Variants in GRIK1 observed in about 807,000 individuals in gnomAD.
The protein encoded by GRIK1 is glutamate ionotropic receptor kainate type subunit 1, also known as glutamate receptor ionotropic, kainate 1.
Under a neutral mutation model 105.7 loss-of-function variants are expected in GRIK1, and 69 were observed. That is an observed-to-expected ratio of 0.65 (90% confidence interval 0.54 to 0.80). GRIK1 has a LOEUF of 0.80. Ranked by LOEUF, GRIK1 falls within the 30% of genes least tolerant of loss-of-function variation. The pLI is 0.00. For synonymous variants in GRIK1, 438 were observed against 431.3 expected, an observed-to-expected ratio of 1.02 and a Z score of -0.19; for missense variants, 1,109 against 1,167.3, an observed-to-expected ratio of 0.95 and a Z score of 0.73.
chr21:29,837,222 T>C (rs1349566472), intron 1 of GRIK1, among the ~76,000 whole-genome samples: 7 of 152,212 alleles, frequency 4.6e-5, no homozygotes. Flanking sequence ...GGAGAGTTGT[T>C]AGAGTTCAGG....
intron 1 of GRIK1, among the ~76,000 whole-genome samples, chr21:29,696,115 TG>T (rs1423833609): frequency 2.6e-5 from 4 of 152,068 alleles, no homozygotes; most frequent in Non-Finnish European, 5.9e-5. Context: ...CTAACTACAG[TG>T]TTGGGTTGTG....
chr21:29,737,764 C>T (rs926332731), intron 1 of GRIK1, among the ~76,000 whole-genome samples: 3 of 152,210 alleles, frequency 2.0e-5, no homozygotes, highest in Admixed American at 1.3e-4. Flanking sequence ...TTTCTACCCT[C>T]CACTCTGGAA....
At chr21:29,812,721 A>G (rs2067044076) in intron 1 of GRIK1, among the ~76,000 whole-genome samples, 1 of 152,142 alleles carries the variant, frequency 6.6e-6, no homozygotes, top group Admixed American at 6.5e-5. Flanking sequence ...TGAATATGCT[A>G]CTCTGATTCC....
intron 2 of GRIK1, among the ~76,000 whole-genome samples, chr21:29,691,536 T>TG (rs1293024053): frequency 6.6e-6 from 1 of 152,224 alleles, no homozygotes; most frequent in Non-Finnish European, 1.5e-5. Flanking sequence ...CCGGAAAGGT[T>TG]GGGGCAGTTT....
At chr21:29,915,350 G>A (rs1015986435) in intron 1 of GRIK1, among the ~76,000 whole-genome samples, 1 of 151,926 alleles carries the variant, frequency 6.6e-6, no homozygotes, top group East Asian at 1.9e-4. Flanking sequence ...TGCTCTAAAC[G>A]TACACCAACT....
intron 4 of GRIK1, 123 bp downstream of exon 4, chr21:29,672,860 C>T: frequency 2.8e-6 from 2 of 716,004 alleles, no homozygotes; most frequent in Non-Finnish European, 4.8e-6. Flanking sequence ...AAATTATAAT[C>T]TTTAGCATAA....
chr21:29,596,015 C>T (rs977335841), intron 9 of GRIK1: 3 of 248,394 alleles, frequency 1.2e-5, no homozygotes, highest in African/African-American at 6.9e-5. Flanking sequence ...GAAGATATCA[C>T]ACAAAACAAA....
At chr21:29,896,696 T>C (rs891308332) in intron 1 of GRIK1, among the ~76,000 whole-genome samples, 11 of 152,328 alleles carry the variant, frequency 7.2e-5, no homozygotes, top group African/African-American at 2.6e-4. Flanking sequence ...TGACTTCTAC[T>C]ACAGAGGAAG....
At position 29,672,732 on chromosome 21, in the gene GRIK1, G is replaced by A. The variant is rs116126268; in HGVS notation, c.726+251C>T. Among the ~76,000 whole-genome samples, 482 of 152,194 alleles carry A rather than the reference G, an allele frequency of 3.2e-3. 4 individuals are homozygous for A. The highest frequency in any genetic ancestry group is 0.011 in the African/African-American group (463 of 41,526). On this transcript the variant is annotated intron_variant, in intron 4 of 17. Transcript: ENST00000327783. ...CTTCTCTCATCTTCAGCTGGTAGGA[G>A]TCACATACCACTCGGTCCACCCATA... is the stretch of plus-strand genomic sequence containing the variant.
intron 1 of GRIK1, among the ~76,000 whole-genome samples, chr21:29,734,163 A>G (rs1364513263): frequency 6.6e-6 from 1 of 152,026 alleles, no homozygotes; most frequent in Non-Finnish European, 1.5e-5. Context: ...AGAGGCTTAT[A>G]AATAAAAATG....
At chr21:29,735,559 C>T (rs992756575) in intron 1 of GRIK1, among the ~76,000 whole-genome samples, 2 of 152,004 alleles carry the variant, frequency 1.3e-5, no homozygotes, top group African/African-American at 4.8e-5. Flanking sequence ...GACTAAGTAA[C>T]CATATCATAC....
At chr21:29,580,235 C>G (rs561212774) in intron 13 of GRIK1, among the ~76,000 whole-genome samples, 1 of 150,874 alleles carries the variant, frequency 6.6e-6, no homozygotes, top group East Asian at 1.9e-4. Context: ...GTCTCCTTCA[C>G]TCTGAAAGTA....
Position 29,598,787 on chromosome 21 carries a change from A to G in GRIK1, c.1206+43T>C, listed in dbSNP as rs761425269. ...GCAATTTAGTAAAAATGCCTGAACA[A>G]TGTTCATTTGTTATTTTATTTATTT... On this transcript the variant is annotated intron_variant, in intron 8 of 17. Coordinates refer to ENST00000327783, the MANE Select transcript of GRIK1 (RefSeq NM_001330994.2). The G allele has an allele frequency of 4.5e-6, 4 of 885,254 alleles. No individual in the cohort carries two copies. The Admixed American group carries it at 8.5e-5, about 19-fold the overall frequency. 54.8% of individuals were successfully genotyped at this position (885,254 alleles called of 1,614,324 possible).
intron 7 of GRIK1, among the ~76,000 whole-genome samples, chr21:29,601,925 C>G (rs1348690417): frequency 2.2e-5 from 2 of 92,910 alleles, no homozygotes; most frequent in African/African-American, 8.8e-5. Context: ...TGTTCCAAAA[C>G]AAAATTTTAT....
intron 1 of GRIK1, among the ~76,000 whole-genome samples, chr21:29,821,048 AAC>A (rs2067288677): frequency 7.2e-6 from 1 of 138,560 alleles, no homozygotes; most frequent in African/African-American, 2.5e-5. Context: ...CAACCCTCCC[AAC>A]ACACAGTAAA....
intron 1 of GRIK1, among the ~76,000 whole-genome samples, chr21:29,810,309 A>C (rs2066977048): frequency 6.6e-6 from 1 of 152,056 alleles, no homozygotes; most frequent in South Asian, 2.1e-4. Context: ...AAAAAAAAAA[A>C]AAATCAGTAA....
chr21:29,626,767 T>G (rs75016761), intron 7 of GRIK1, among the ~76,000 whole-genome samples: 7,245 of 152,270 alleles, frequency 0.048, 254 homozygotes, highest in Non-Finnish European at 0.072. Context: ...GCCTGGAAAT[T>G]GTGAAGAACA....
chr21:29,571,860 A>C (rs2090757266), intron 14 of GRIK1, among the ~76,000 whole-genome samples: 1 of 152,186 alleles, frequency 6.6e-6, no homozygotes, highest in Non-Finnish European at 1.5e-5. Flanking sequence ...TGATGAGAAA[A>C]CGTTTCTCAT....
intron 1 of GRIK1, among the ~76,000 whole-genome samples, chr21:29,775,441 C>T (rs1482812491): frequency 6.6e-6 from 1 of 152,130 alleles, no homozygotes; most frequent in Non-Finnish European, 1.5e-5. Flanking sequence ...TCTCCAGCTA[C>T]CAAGGAGCTC....
Sources: gnomAD v4.1 joint callset for allele counts (sites outside exome capture counted in the v4.1 genomes callset) on GRCh38, gnomAD v4.1.1 for gene constraint, MANE v1.5 for transcripts, NCBI Gene and HGNC (gene_info 2026-07-23, HGNC 2026-07-21) for gene names.